Variants in AK9 observed in about 807,000 individuals in gnomAD.
The protein encoded by AK9 is adenylate kinase 9.
A neutral mutation model predicts 239.6 loss-of-function variants in AK9; 191 were observed. The ratio of observed to expected loss-of-function variants is 0.80; its 90% CI spans 0.71 to 0.90. AK9 has a LOEUF of 0.90. Ranked by LOEUF, AK9 falls within the 40% of genes least tolerant of loss-of-function variation. The pLI is 0.00. For synonymous variants in AK9, 689 were observed against 721.0 expected (o/e 0.96, Z 0.71); for missense variants, 1,995 against 2,214.7 (o/e 0.90, Z 1.99).
intron 8 of AK9, among the ~76,000 whole-genome samples, chr6:109,653,516 G>T (rs926840858): frequency 2.0e-5 from 3 of 152,028 alleles, no homozygotes; most frequent in African/African-American, 7.2e-5. Flanking sequence ...TGACATTCAC[G>T]GAAAGTTTTT....
rs189153317 is a variant in AK9 at position 109,608,018 on chromosome 6, G to A, written c.1842+2347C>T. Among the ~76,000 whole-genome samples, 44 of 152,176 alleles carry A rather than the reference G, an allele frequency of 2.9e-4. No individual in the cohort carries two copies. In the East Asian group the frequency reaches 6.4e-3, roughly 22 times the overall value. On this transcript the variant is annotated intron_variant, in intron 17 of 40. Coordinates refer to ENST00000424296, the MANE Select transcript of AK9 (RefSeq NM_001145128.3). ...GGGCCAGGCATGGTGGATCACGCCC[G>A]TAATCCCAGCACTTTGGGAGGCCAA...
Position 109,506,437 on chromosome 6 carries a change from C to G in AK9, c.4739G>C (p.Trp1580Ser). ...RQYYQEQHQN[W>S]YVIDGFHSKW... The stretch of plus-strand genomic sequence containing the variant: ...GCTGTGAAATCCATCAATCACATAC[C>G]AGTTCTGATGCTGTTCTTGATAATA... The change falls in exon 35 of 41, where the codon TGG becomes TCG. Residue 1580 changes from tryptophan (W) to serine (S), a missense_variant. Around this residue, in one of 5 missense-constraint regions of AK9, gnomAD observed 391 missense variants for 456.0 expected, o/e 0.86. Coordinates refer to ENST00000424296, the MANE Select transcript of AK9 (RefSeq NM_001145128.3). 1 of 1,613,706 alleles carries G rather than the reference C, an allele frequency of 6.2e-7. No homozygotes were observed. The highest frequency in any genetic ancestry group is 8.5e-7 in the Non-Finnish European group (1 of 1,179,904).
At chr6:109,620,795 T>G (rs1229513177) in intron 12 of AK9, among the ~76,000 whole-genome samples, 3 of 151,386 alleles carry the variant, frequency 2.0e-5, no homozygotes, top group East Asian at 3.9e-4. Context: ...ATACACCATA[T>G]ACTATATATA....
chr6:109,607,936 T>C (rs1011186303), intron 17 of AK9, among the ~76,000 whole-genome samples: 4 of 151,800 alleles, frequency 2.6e-5, no homozygotes, highest in Non-Finnish European at 5.9e-5. Context: ...ACAGGAGAAA[T>C]AGGGTGCTGA....
chr6:109,612,610 G>A (rs1793705946), intron 15 of AK9, among the ~76,000 whole-genome samples: 1 of 152,092 alleles, frequency 6.6e-6, no homozygotes, highest in Non-Finnish European at 1.5e-5. Flanking sequence ...GCTGCCATCT[G>A]ATGGTCAAAA....
At chr6:109,690,363 A>T (rs753551256) in intron 1 of AK9, 11 of 152,268 alleles carry the variant, frequency 7.2e-5, no homozygotes, top group Non-Finnish European at 1.3e-4. Context: ...GTTTTGCAAG[A>T]AAAGAAGCTG....
At chr6:109,685,757 G>A (rs1773419513) in intron 1 of AK9, among the ~76,000 whole-genome samples, 1 of 152,084 alleles carries the variant, frequency 6.6e-6, no homozygotes, top group African/African-American at 2.4e-5. Flanking sequence ...AAGGCCAAGT[G>A]GAAGCTCATG....
rs767253847 is a variant in AK9, at chr6:109,675,652, A to G, written c.94T>C (p.Cys32Arg). The G allele has an allele frequency of 4.4e-6, 7 of 1,573,630 alleles. No individual in the cohort carries two copies. The highest frequency in any genetic ancestry group is 6.0e-6 in the Non-Finnish European group (7 of 1,161,432). The stretch of plus-strand genomic sequence containing the variant: ...ACTGGTTTCCCAAATACAACAAAGC[A>G]AACAGGTTTGGACAACAAAAAATTC... Reference protein sequence around the residue: ...ERNFLLSKPVCFVVFGKPGVG... With the variant: ...ERNFLLSKPVRFVVFGKPGVG... The change falls in exon 2 of 41, where the codon TGC (cysteine) becomes CGC (arginine). Residue 32 changes from cysteine (C) to arginine (R), a missense_variant. Coordinates refer to ENST00000424296, the MANE Select transcript of AK9 (RefSeq NM_001145128.3).
At chr6:109,574,897 T>C (rs1787865311) in intron 20 of AK9, among the ~76,000 whole-genome samples, 1 of 152,132 alleles carries the variant, frequency 6.6e-6, no homozygotes, top group Admixed American at 6.6e-5. Flanking sequence ...GTCTATTATA[T>C]CATTCTTATG....
At chr6:109,585,683 A>G (rs1562450835) in intron 18 of AK9, among the ~76,000 whole-genome samples, 1 of 152,130 alleles carries the variant, frequency 6.6e-6, no homozygotes, top group Non-Finnish European at 1.5e-5. Context: ...CTAAACTGTA[A>G]GCTTTAAAGA....
Position 109,521,515 on chromosome 6 carries a change from T to A in AK9, c.3634-4873A>T, listed in dbSNP as rs578109479. Among the ~76,000 whole-genome samples, 68 of 152,192 alleles carry A rather than the reference T, an allele frequency of 4.5e-4. 2 individuals carry two copies. In the South Asian group the frequency reaches 0.014, roughly 31 times the overall value. ...CTCCCTTTCTTCAGTTTCTAAGTAT[T>A]TTGTCTCCAATATTACTACATTTAT... is the stretch of plus-strand genomic sequence containing the variant. On this transcript the variant is annotated intron_variant, in intron 29 of 40. Coordinates refer to ENST00000424296, the MANE Select transcript of AK9 (RefSeq NM_001145128.3).
rs775657752 is a variant in AK9 at position 109,528,992 on chromosome 6, A to G, written c.3633+19T>C. ...ACAGAGTGAGACCCTGTTTTGAAAA[A>G]AAAAACAAAACTACTTACCTCCCTC... On this transcript the variant is annotated intron_variant, in intron 29 of 40. Transcript: ENST00000424296. The G allele has an allele frequency of 4.5e-6, 7 of 1,546,678 alleles. No homozygotes were observed. The South Asian group carries it at 7.0e-5, about 15-fold the overall frequency.
intron 13 of AK9, among the ~76,000 whole-genome samples, chr6:109,616,677 G>A (rs1256323298): frequency 6.6e-6 from 1 of 152,006 alleles, no homozygotes; most frequent in Non-Finnish European, 1.5e-5. Flanking sequence ...GACCTTGACT[G>A]CTTTTGGCAA....
chr6:109,566,576 A>C (rs1289171692), intron 21 of AK9, among the ~76,000 whole-genome samples: 2 of 152,220 alleles, frequency 1.3e-5, no homozygotes, highest in African/African-American at 4.8e-5. Context: ...GGTAACTGAA[A>C]TAAGAAAACA....
chr6:109,528,980 C>T (rs1434036152), intron 29 of AK9, 31 bp downstream of exon 29: 5 of 1,546,906 alleles, frequency 3.2e-6, no homozygotes, highest in Non-Finnish European at 3.5e-6. Context: ...GAGTGAGACC[C>T]TGTTTTGAAA....
At chr6:109,622,360 TA>T (rs1375627437) in intron 12 of AK9, among the ~76,000 whole-genome samples, 2 of 142,952 alleles carry the variant, frequency 1.4e-5, no homozygotes, top group Non-Finnish European at 3.0e-5. Flanking sequence ...ATATAGTATA[TA>T]TAGCATACTA....
At chr6:109,677,550 G>A (rs1286040475) in intron 1 of AK9, among the ~76,000 whole-genome samples, 1 of 152,120 alleles carries the variant, frequency 6.6e-6, no homozygotes, top group Non-Finnish European at 1.5e-5. Flanking sequence ...TGTGTGTGAA[G>A]AGCCATGCAT....
intron 26 of AK9, 100 bp from the exon 27 acceptor site, chr6:109,542,271 G>A: frequency 8.7e-7 from 1 of 1,155,072 alleles, no homozygotes; most frequent in South Asian, 1.7e-5. Flanking sequence ...GGACCTCATG[G>A]AGGTGGAGAG....
intron 17 of AK9, among the ~76,000 whole-genome samples, chr6:109,603,403 A>C (rs2128231801): frequency 6.6e-6 from 1 of 152,246 alleles, no homozygotes; most frequent in East Asian, 1.9e-4. Flanking sequence ...GCTGAACGGG[A>C]AATGTTGCTG....
Sources: allele counts gnomAD v4.1 joint callset (sites outside exome capture counted in the v4.1 genomes callset), GRCh38; gene constraint gnomAD v4.1.1; regional missense constraint gnomAD v4.1.1; transcripts MANE v1.5; gene names NCBI Gene and HGNC (gene_info 2026-07-23, HGNC 2026-07-21).